The following TRIM67 variants were observed in gnomAD, a reference collection of about 807,000 sequenced individuals.
TRIM67 encodes the protein tripartite motif-containing protein 67.
TRIM67 carries 39 observed loss-of-function variants against 71.0 expected under a neutral mutation model. The ratio of observed to expected loss-of-function variants is 0.55; its 90% CI spans 0.43 to 0.72. The LOEUF (loss-of-function observed/expected upper bound fraction) is 0.72, where lower values mean the gene tolerates loss of function less well. Among genes scored for constraint, TRIM67 ranks in the 30% least tolerant of loss-of-function variants. The probability of loss-of-function intolerance (pLI) is 0.00; values close to 1 mark genes in which losing one functional copy is unlikely to be tolerated. For synonymous variants in TRIM67, 481 were observed against 473.9 expected (o/e 1.01, Z -0.19); for missense variants, 973 against 1,079.2 (o/e 0.90, Z 1.38).
chr1:231,186,497 C>T (rs954401458), intron 1 of TRIM67, among the ~76,000 whole-genome samples: 17 of 152,168 alleles, frequency 1.1e-4, no homozygotes, highest in Non-Finnish European at 2.2e-4. Flanking sequence ...CCCCTGAGGG[C>T]TCTGGGAAGG....
chr1:231,184,998 G>A lies in TRIM67; in HGVS notation c.1045-12373G>A, dbSNP rs576454753. On this transcript the variant is annotated intron_variant, in intron 1 of 9. Transcript: ENST00000366653. ...CAGCAGTGCTCCTGAATGGGTGGCC[G>A]GCAGGTTGGGGAGGGTCAGCTTATT... 1.1e-4 allele frequency: 171 copies of A among 1,531,444 alleles called. 4 individuals are homozygous for A. In the African/African-American group the frequency reaches 1.4e-3, roughly 13 times the overall value. 94.9% of individuals were successfully genotyped at this position (1,531,444 alleles called of 1,614,324 possible).
chr1:231,212,945 T>A (rs1683913442), intron 8 of TRIM67, among the ~76,000 whole-genome samples: 1 of 152,114 alleles, frequency 6.6e-6, no homozygotes, highest in South Asian at 2.1e-4. Context: ...ACCTGAGGGA[T>A]AATGACTGCG....
chr1:231,181,065 G>A (rs548530238), intron 1 of TRIM67, among the ~76,000 whole-genome samples: 11 of 152,214 alleles, frequency 7.2e-5, no homozygotes, highest in Admixed American at 2.6e-4. Flanking sequence ...TCCCAGGTTC[G>A]TGCGATTCTC....
chr1:231,171,489 C>G (rs962958696), intron 1 of TRIM67, among the ~76,000 whole-genome samples: 5 of 152,120 alleles, frequency 3.3e-5, no homozygotes, highest in African/African-American at 1.2e-4. Flanking sequence ...TTTATCCACT[C>G]TTTAGCCATT....
chr1:231,214,218 C>T (rs1456810502), intron 9 of TRIM67, among the ~76,000 whole-genome samples: 1 of 152,188 alleles, frequency 6.6e-6, no homozygotes, highest in Non-Finnish European at 1.5e-5. Context: ...CAGGACTGAG[C>T]TCAGTCCCTG....
At position 231,197,433 on chromosome 1, in the gene TRIM67, G is replaced by C. The variant is rs758189294; in HGVS notation, c.1107G>C (p.Leu369=). The part of the protein sequence containing the change: ...SDKAKEAKEF[L]VQLKNILQQI... ...AGGCAAAGGAAGCAAAGGAGTTTCT[G>C]GTTCAGCTAAAGAACATATTGCAGC... The change falls in exon 2 of 10, where the codon CTG becomes CTC. Residue 369 remains leucine, a synonymous_variant. Coordinates refer to ENST00000366653, the MANE Select transcript of TRIM67 (RefSeq NM_001004342.5). 9 of 1,613,876 alleles carry C rather than the reference G, an allele frequency of 5.6e-6. No individual in the cohort carries two copies. The highest frequency in any genetic ancestry group is 3.3e-5 in the Admixed American group (2 of 60,008).
chr1:231,162,813 G>T lies in TRIM67; in HGVS notation c.-157G>T. 1.1e-6 allele frequency: 1 copy of T among 932,936 alleles called. No individual in the cohort carries two copies. The highest frequency in any genetic ancestry group is 1.7e-5 in the South Asian group (1 of 58,954). The allele number at this position is 932,936 out of a possible 1,614,324, so 57.8% of individuals were successfully genotyped here. On this transcript the variant is annotated 5_prime_UTR_variant, in exon 1 of 10. Coordinates refer to ENST00000366653, the MANE Select transcript of TRIM67 (RefSeq NM_001004342.5). ...CTTAGGGCGGTGGCTACAGGACAGAGAGAGGGGCGTGCCCCTCGGCTGTGA... is the reference window on the plus strand; with the variant it reads ...CTTAGGGCGGTGGCTACAGGACAGATAGAGGGGCGTGCCCCTCGGCTGTGA...
At chr1:231,203,262 AC>A (rs1683600416) in intron 5 of TRIM67, among the ~76,000 whole-genome samples, 1 of 152,246 alleles carries the variant, frequency 6.6e-6, no homozygotes. Context: ...GACTTCTGAT[AC>A]AACTGATTCA....
Position 231,217,777 on chromosome 1 carries a change from G to A in TRIM67, c.*2337G>A, listed in dbSNP as rs1684052960. 1.6e-6 allele frequency: 2 copies of A among 1,283,920 alleles called. No individual in the cohort carries two copies. The highest frequency in any genetic ancestry group is 1.5e-5 in the African/African-American group (1 of 65,864). 79.5% of individuals were successfully genotyped at this position (1,283,920 alleles called of 1,614,324 possible). On this transcript the variant is annotated 3_prime_UTR_variant, in exon 10 of 10. Coordinates refer to ENST00000366653, the MANE Select transcript of TRIM67 (RefSeq NM_001004342.5). ...CCCATCATTGGAGCACAAGTTGCCT[G>A]GGGCTACCCTGAACCTAACCCCTTT...
chr1:231,186,060 C>G (rs535437368), intron 1 of TRIM67: 1 of 1,529,374 alleles, frequency 6.5e-7, no homozygotes, highest in Non-Finnish European at 8.7e-7. Context: ...GGATGTTCCC[C>G]GTGAGCAGAA....
Position 231,219,470 on chromosome 1 carries a change from A to G in TRIM67, c.*4030A>G. ...GACAAAGCTGCCAGCCTTTATCTTG[A>G]TACCCAAGCCCAGGATTTTCCATGT... On this transcript the variant is annotated 3_prime_UTR_variant, in exon 10 of 10. Transcript: ENST00000366653. 1 of 1,052,744 alleles carries G rather than the reference A, an allele frequency of 9.5e-7. No individual in the cohort carries two copies. Among genetic ancestry groups the G allele is most frequent in the Non-Finnish European group, 1.1e-6 (1 of 871,568 alleles). 65.2% of individuals were successfully genotyped at this position (1,052,744 alleles called of 1,614,324 possible). A position where few individuals can be genotyped will look rare whatever the true frequency, so the allele number is the denominator to read the frequency against.
In TRIM67 at chr1:231,217,469, C is replaced by T. The variant is rs1684043058; in HGVS notation, c.*2029C>T. The T allele has an allele frequency of 1.0e-6, 1 of 999,316 alleles. No individual in the cohort carries two copies. The allele number at this position is 999,316 out of a possible 1,614,324, so 61.9% of individuals were successfully genotyped here. A position where few individuals can be genotyped will look rare whatever the true frequency, so the allele number is the denominator to read the frequency against. On this transcript the variant is annotated 3_prime_UTR_variant, in exon 10 of 10. Coordinates refer to ENST00000366653, the MANE Select transcript of TRIM67 (RefSeq NM_001004342.5). ...CCTGCAGCTTCATCCTTAGCCATAG[C>T]TCTGGGTGGCCTTTGCTTGGAGCAT...
chr1:231,184,375 TGTG>T, intron 1 of TRIM67: 1 of 152,178 alleles, frequency 6.6e-6, no homozygotes, highest in Non-Finnish European at 1.5e-5. Context: ...ATTCTGGCAG[TGTG>T]AGCAGGAACA....
intron 5 of TRIM67, among the ~76,000 whole-genome samples, chr1:231,202,387 A>G (rs78593768): frequency 0.065 from 9,847 of 152,014 alleles, 355 homozygotes; most frequent in African/African-American, 0.097. Flanking sequence ...AGCAAGTCCA[A>G]AGTCCCTGAG....
intron 1 of TRIM67, chr1:231,186,110 G>A (rs1683066960): frequency 1.3e-6 from 2 of 1,533,102 alleles, no homozygotes; most frequent in Non-Finnish European, 1.7e-6. Flanking sequence ...GTCGCTTGCT[G>A]AATGAATACA....
intron 1 of TRIM67, among the ~76,000 whole-genome samples, chr1:231,191,143 A>G (rs554719887): frequency 3.2e-4 from 49 of 152,222 alleles, no homozygotes; most frequent in Admixed American, 7.2e-4. Flanking sequence ...AGCTCAGTGC[A>G]GCCTCAAACT....
At chr1:231,204,989 C>T (rs925721928) in intron 6 of TRIM67, among the ~76,000 whole-genome samples, 6 of 152,118 alleles carry the variant, frequency 3.9e-5, no homozygotes, top group African/African-American at 9.7e-5. Flanking sequence ...TAGCTTGAGC[C>T]GGGTCACTGA....
chr1:231,176,923 A>AAAAAAACAAAAAAAAAAC (rs1553322802), intron 1 of TRIM67, among the ~76,000 whole-genome samples: 2 of 151,036 alleles, frequency 1.3e-5, no homozygotes, highest in African/African-American at 4.9e-5. Context: ...AAAAAAAAAA[A>AAAAAAACAAAAAAAAAAC]CACCTTTCAA....
At chr1:231,195,927 C>T (rs1271527341) in intron 1 of TRIM67, among the ~76,000 whole-genome samples, 6 of 152,190 alleles carry the variant, frequency 3.9e-5, no homozygotes, top group Admixed American at 3.3e-4. Flanking sequence ...CTTTGACAAC[C>T]GTTGGTGTGG....
Sources: allele counts gnomAD v4.1 joint callset (sites outside exome capture counted in the v4.1 genomes callset), GRCh38; gene constraint gnomAD v4.1.1; transcripts MANE v1.5; gene names NCBI Gene and HGNC (gene_info 2026-07-23, HGNC 2026-07-21).